The following GRM5 variants were observed in gnomAD, a reference collection of about 807,000 sequenced individuals.
GRM5 encodes the protein glutamate metabotropic receptor 5.
In GRM5, 19 loss-of-function variants were observed where a neutral mutation model predicts 83.1. That is an observed-to-expected ratio of 0.23 (90% confidence interval 0.16 to 0.34). GRM5 has a LOEUF of 0.34. GRM5 is among the 10% of genes least tolerant of loss of function. The pLI is 1.00. For missense variants in GRM5, 1,160 were observed against 1,588.3 expected (o/e 0.73, Z 4.58); for synonymous variants, 675 against 633.6 (o/e 1.07, Z -0.98).
At chr11:88,805,689 G>T (rs1396377941) in intron 3 of GRM5, among the ~76,000 whole-genome samples, 1 of 152,106 alleles carries the variant, frequency 6.6e-6, no homozygotes, top group Non-Finnish European at 1.5e-5. Context: ...TAAAGACTTA[G>T]AGAGTATGTC....
At chr11:88,668,328 C>G (rs1481069533) in intron 3 of GRM5, among the ~76,000 whole-genome samples, 1 of 151,220 alleles carries the variant, frequency 6.6e-6, no homozygotes, top group Non-Finnish European at 1.5e-5. Context: ...CACACACACA[C>G]ACACACACAC....
chr11:89,059,874 T>G (rs538222811), intron 1 of GRM5, among the ~76,000 whole-genome samples: 115 of 152,280 alleles, frequency 7.6e-4, no homozygotes, highest in African/African-American at 2.7e-3. Flanking sequence ...CTTCTGCACC[T>G]ATTGCTTTTT....
intron 3 of GRM5, among the ~76,000 whole-genome samples, chr11:88,799,459 T>G (rs1943347302): frequency 6.6e-6 from 1 of 152,148 alleles, no homozygotes; most frequent in African/African-American, 2.4e-5. Context: ...CATTTTGATA[T>G]AGGTATGTGA....
At chr11:88,816,301 G>A (rs1444851926) in intron 3 of GRM5, among the ~76,000 whole-genome samples, 1 of 150,366 alleles carries the variant, frequency 6.7e-6, no homozygotes, top group Non-Finnish European at 1.5e-5. Flanking sequence ...AGCACTCTGG[G>A]AGGCCTAGGC....
chr11:89,055,653 A>C (rs1259846045), intron 1 of GRM5, among the ~76,000 whole-genome samples: 5 of 151,970 alleles, frequency 3.3e-5, no homozygotes, highest in Non-Finnish European at 7.4e-5. Context: ...GCTCTTATAT[A>C]ATTTTCAAAG....
chr11:88,803,534 T>C (rs1489104972), intron 3 of GRM5, among the ~76,000 whole-genome samples: 65 of 152,108 alleles, frequency 4.3e-4, no homozygotes, highest in Non-Finnish European at 7.6e-4. Flanking sequence ...CAAAAATTAA[T>C]TCAAGATGGA....
At chr11:88,537,893 C>T (rs879822403) in intron 8 of GRM5, among the ~76,000 whole-genome samples, 3 of 151,898 alleles carry the variant, frequency 2.0e-5, no homozygotes, top group Admixed American at 6.6e-5. Flanking sequence ...TGAGAAATTG[C>T]CAGGTAACAT....
At chr11:88,824,568 G>A (rs10831495) in intron 3 of GRM5, among the ~76,000 whole-genome samples, 29,285 of 151,994 alleles carry the variant, frequency 0.19, 5,059 homozygotes, top group African/African-American at 0.45. Context: ...AGATTATTAG[G>A]CATTACATTC....
chr11:88,824,493 C>T (rs142578310), intron 3 of GRM5, among the ~76,000 whole-genome samples: 4 of 152,236 alleles, frequency 2.6e-5, no homozygotes, highest in African/African-American at 9.6e-5. Flanking sequence ...TCATGGAAGA[C>T]AATTTTTCCA....
intron 2 of GRM5, among the ~76,000 whole-genome samples, chr11:88,877,866 A>G: frequency 6.6e-6 from 1 of 151,682 alleles, no homozygotes; most frequent in Admixed American, 6.6e-5. Flanking sequence ...AGAAAGAAGT[A>G]AAGAGGGAGG....
chr11:88,930,969 A>G (rs897093574), intron 2 of GRM5, among the ~76,000 whole-genome samples: 1 of 152,078 alleles, frequency 6.6e-6, no homozygotes, highest in African/African-American at 2.4e-5. Flanking sequence ...GGGAGATTGT[A>G]GTTGCTGATT....
intron 3 of GRM5, among the ~76,000 whole-genome samples, chr11:88,773,163 C>G (rs1942776386): frequency 6.6e-6 from 1 of 152,132 alleles, no homozygotes; most frequent in Non-Finnish European, 1.5e-5. Flanking sequence ...GAGATGGTAT[C>G]TCATTGTGGT....
chr11:88,724,682 T>C (rs1830167535), intron 3 of GRM5, among the ~76,000 whole-genome samples: 1 of 152,124 alleles, frequency 6.6e-6, no homozygotes. Context: ...AGGTGGGTGA[T>C]TTCTGCATTT....
chr11:88,690,421 A>G (rs1053708862), intron 3 of GRM5, among the ~76,000 whole-genome samples: 2 of 152,162 alleles, frequency 1.3e-5, no homozygotes, highest in African/African-American at 4.8e-5. Context: ...AAATAGATTC[A>G]TTCATTAAAA....
At chr11:88,763,288 G>A (rs1942566910) in intron 3 of GRM5, among the ~76,000 whole-genome samples, 1 of 151,658 alleles carries the variant, frequency 6.6e-6, no homozygotes, top group African/African-American at 2.4e-5. Flanking sequence ...AGTCTGTAGG[G>A]TTAAATTAAG....
intron 2 of GRM5, among the ~76,000 whole-genome samples, chr11:88,950,736 G>C (rs999554791): frequency 1.3e-5 from 2 of 152,124 alleles, no homozygotes; most frequent in Non-Finnish European, 2.9e-5. Context: ...CTCTCCTTCT[G>C]TCATTATTTG....
At chr11:88,523,231 G>A (rs1265900857) in intron 9 of GRM5, among the ~76,000 whole-genome samples, 2 of 152,108 alleles carry the variant, frequency 1.3e-5, no homozygotes, top group Non-Finnish European at 2.9e-5. Flanking sequence ...GATGACCTAG[G>A]AAACTTGTTA....
intron 3 of GRM5, among the ~76,000 whole-genome samples, chr11:88,798,023 C>T (rs4542417): frequency 0.32 from 47,884 of 151,838 alleles, 8,041 homozygotes; most frequent in South Asian, 0.56. Context: ...TCATCCCATG[C>T]TTCTCTCTCA....
intron 8 of GRM5, among the ~76,000 whole-genome samples, chr11:88,553,027 CT>C (rs913677668): frequency 1.3e-5 from 2 of 152,076 alleles, no homozygotes; most frequent in Admixed American, 1.3e-4. Flanking sequence ...GCTAACATGT[CT>C]TTTTTTGTTG....
Sources: allele counts gnomAD v4.1 joint callset (sites outside exome capture counted in the v4.1 genomes callset), GRCh38; gene constraint gnomAD v4.1.1; transcripts MANE v1.5; gene names NCBI Gene and HGNC (gene_info 2026-07-23, HGNC 2026-07-21).